TAC4: variants seen among roughly 807,000 people sequenced by gnomAD.
The protein encoded by TAC4 is tachykinin precursor 4.
Under a neutral mutation model 17.7 loss-of-function variants are expected in TAC4, and 17 were observed. The observed-to-expected ratio is 0.96, with a 90% CI of 0.66 to 1.44. The LOEUF is 1.44. TAC4 is among the 40% of genes most tolerant of loss of function. The pLI, the probability that TAC4 is intolerant of heterozygous loss-of-function variation, is 0.00. For missense variants in TAC4, 118 were observed against 125.6 expected, an observed-to-expected ratio of 0.94 and a Z score of 0.29; for synonymous variants, 62 against 52.4, an observed-to-expected ratio of 1.18 and a Z score of -0.79.
At chr17:49,841,696 T>A in intron 2 of TAC4, 112 bp from the exon 3 acceptor site, 1 of 1,068,008 alleles carries the variant, frequency 9.4e-7, no homozygotes, top group Non-Finnish European at 1.3e-6. Context: ...GGGTCTTCAG[T>A]AGAATTCTAG....
intron 1 of TAC4, among the ~76,000 whole-genome samples, chr17:49,846,521 T>C (rs2074541578): frequency 6.6e-6 from 1 of 152,168 alleles, no homozygotes. Context: ...CAGCAGTCCT[T>C]CTGCCTCTGC....
At position 49,844,190 on chromosome 17, in the gene TAC4, G is replaced by A. The variant is rs750204560; in HGVS notation, c.106-33C>T. 26 of 1,610,572 alleles carry A rather than the reference G, an allele frequency of 1.6e-5. No individual in the cohort carries two copies. In the South Asian group the frequency reaches 2.9e-4, roughly 18 times the overall value. ...AGCAGAGAGTTAGTGTTAGAGTTGG[G>A]AGGTTGTCCAGCAGACGGGAGGCCA... On this transcript the variant is annotated intron_variant, in intron 1 of 4. Coordinates refer to ENST00000436235, the MANE Select transcript of TAC4 (RefSeq NM_001077506.2).
chr17:49,844,810 A>G lies in TAC4; in HGVS notation c.106-653T>C, dbSNP rs139075087. Among the ~76,000 whole-genome samples, 80 of 152,318 alleles carry G rather than the reference A, an allele frequency of 5.3e-4. 1 individual carries two copies. The highest frequency in any genetic ancestry group is 1.9e-3 in the African/African-American group (80 of 41,570). On this transcript the variant is annotated intron_variant, in intron 1 of 4. Coordinates refer to ENST00000436235, the MANE Select transcript of TAC4 (RefSeq NM_001077506.2). ...CAGCTGGGAAGTGAGAGGTGGAACCAGAAGTTGAACTCAGGCTCAAAGGCT... is the reference window on the plus strand; with the variant it reads ...CAGCTGGGAAGTGAGAGGTGGAACCGGAAGTTGAACTCAGGCTCAAAGGCT...
intron 4 of TAC4, 67 bp from the exon 5 acceptor site, chr17:49,838,740 A>ACT: frequency 2.6e-6 from 4 of 1,545,968 alleles, no homozygotes; most frequent in African/African-American, 2.8e-5. Flanking sequence ...CACCCTTAGA[A>ACT]GTCTTCCCTA....
chr17:49,846,791 C>T, intron 1 of TAC4: 2 of 431,510 alleles, frequency 4.6e-6, no homozygotes, highest in Non-Finnish European at 8.0e-6. Flanking sequence ...TAACGTTTCC[C>T]ATGGGGCTGC....
In TAC4 at chr17:49,847,708, C is replaced by CAT; in HGVS notation, c.105+204_105+205insAT. The CAT allele has an allele frequency of 7.5e-6, 5 of 668,970 alleles. No individual in the cohort carries two copies. The South Asian group carries it at 9.1e-5, about 12-fold the overall frequency. 41.4% of individuals were successfully genotyped at this position (668,970 alleles called of 1,614,324 possible). On this transcript the variant is annotated intron_variant, in intron 1 of 4. Coordinates refer to ENST00000436235, the MANE Select transcript of TAC4 (RefSeq NM_001077506.2). ...ACACACACAGACACACACACACACA[C>CAT]ACACACACACACACACACTTCGGAG...
intron 2 of TAC4, among the ~76,000 whole-genome samples, chr17:49,842,136 C>A (rs1489799255): frequency 1.3e-5 from 2 of 151,324 alleles, no homozygotes; most frequent in African/African-American, 4.9e-5. Context: ...GATCTCCTGA[C>A]CTCATGATCT....
intron 1 of TAC4, among the ~76,000 whole-genome samples, chr17:49,845,747 G>A (rs1324416271): frequency 6.6e-6 from 1 of 152,194 alleles, no homozygotes; most frequent in Non-Finnish European, 1.5e-5. Flanking sequence ...GGACCAGCAG[G>A]AACCTGGCTA....
chr17:49,844,998 A>T (rs2144049530), intron 1 of TAC4, among the ~76,000 whole-genome samples: 1 of 152,318 alleles, frequency 6.6e-6, no homozygotes, highest in Non-Finnish European at 1.5e-5. Flanking sequence ...CTGAGCCAAG[A>T]TTCAAAGTCT....
chr17:49,841,649 G>A, intron 2 of TAC4, 65 bp from the exon 3 acceptor site: 2 of 1,467,496 alleles, frequency 1.4e-6, no homozygotes, highest in South Asian at 1.4e-5. Flanking sequence ...TGGTGAGGTG[G>A]AAAAGGCTCC....
At chr17:49,841,266 T>TTTTTTTC (rs1567873980) in intron 3 of TAC4, among the ~76,000 whole-genome samples, 1 of 148,932 alleles carries the variant, frequency 6.7e-6, no homozygotes, top group Non-Finnish European at 1.5e-5. Context: ...TTTTTTTTTT[T>TTTTTTTC]CTAATTCCAG....
chr17:49,844,361 C>T (rs987444281), intron 1 of TAC4, among the ~76,000 whole-genome samples: 4 of 152,022 alleles, frequency 2.6e-5, no homozygotes, highest in Non-Finnish European at 4.4e-5. Context: ...GTTCTGAGCA[C>T]GTTGATCTAG....
Position 49,838,663 on chromosome 17 carries a change from A to T in TAC4, c.303T>A (p.Asp101Glu), listed in dbSNP as rs370119064. Residue 101 changes from aspartate (D) to glutamate (E), a missense_variant, in exon 5 of 5, where the codon GAT becomes GAA. Asp to Glu is a conservative substitution (Grantham distance 45). Transcript: ENST00000436235. ...GCTTTTACTCTGAACCTTGGGCCTC[A>T]TCCTCTCTGCCTGGGGAGAGTTTGG... ...KRSLFTEGRE[D>E]EAQGSE is the part of the protein sequence containing the mutation. 6 of 1,613,362 alleles carry T rather than the reference A, an allele frequency of 3.7e-6. No individual in the cohort carries two copies. The highest frequency in any genetic ancestry group is 5.1e-6 in the Non-Finnish European group (6 of 1,179,730).
chr17:49,838,702 G>T (rs1387275140), intron 4 of TAC4, 29 bp from the exon 5 acceptor site: 2 of 1,609,048 alleles, frequency 1.2e-6, no homozygotes, highest in South Asian at 2.2e-5. Flanking sequence ...ATGAACCATG[G>T]TTAGTCGGGG....
chr17:49,839,425 T>TTA (rs1413154441), intron 4 of TAC4, among the ~76,000 whole-genome samples: 1 of 152,212 alleles, frequency 6.6e-6, no homozygotes, highest in African/African-American at 2.4e-5. Flanking sequence ...GATCTGCACT[T>TTA]ATTTACAGTG....
At chr17:49,840,949 G>A (rs1432913290) in intron 3 of TAC4, among the ~76,000 whole-genome samples, 2 of 133,712 alleles carry the variant, frequency 1.5e-5, no homozygotes, top group Admixed American at 8.5e-5. Context: ...GGCTGGACTC[G>A]GCTCACTGCA....
intron 1 of TAC4, among the ~76,000 whole-genome samples, chr17:49,846,568 C>G (rs1205070334): frequency 6.6e-6 from 1 of 152,196 alleles, no homozygotes; most frequent in Non-Finnish European, 1.5e-5. Flanking sequence ...TGAGACTCCA[C>G]AGCCGGCCGT....
intron 3 of TAC4, among the ~76,000 whole-genome samples, chr17:49,840,546 A>G (rs1002543728): frequency 3.4e-4 from 52 of 152,126 alleles, no homozygotes; most frequent in African/African-American, 9.9e-4. Context: ...CTTGTCGCCC[A>G]GCCTGGAATG....
chr17:49,841,200 A>G (rs1344659610), intron 3 of TAC4, among the ~76,000 whole-genome samples: 1 of 151,084 alleles, frequency 6.6e-6, no homozygotes, highest in Non-Finnish European at 1.5e-5. Context: ...TGCACTTTTA[A>G]GATCATCTGG....
Sources: gnomAD v4.1 joint callset for allele counts (sites outside exome capture counted in the v4.1 genomes callset) on GRCh38, gnomAD v4.1.1 for gene constraint, MANE v1.5 for transcripts, NCBI Gene and HGNC (gene_info 2026-07-23, HGNC 2026-07-21) for gene names.